Variants in ZRSR2 observed in about 807,000 individuals in gnomAD.
ZRSR2 encodes zinc finger CCCH-type, RNA binding motif and serine/arginine rich 2.
ZRSR2 carries 3 observed loss-of-function variants against 39.4 expected under a neutral mutation model. The observed-to-expected ratio is 0.08, with a 90% CI of 0.03 to 0.20. ZRSR2 has a LOEUF of 0.20. Among genes scored for constraint, ZRSR2 ranks in the 10% least tolerant of loss-of-function variants. The pLI is 1.00. For missense variants in ZRSR2, 256 were observed against 391.5 expected (o/e 0.65, Z 2.92); for synonymous variants, 137 against 136.0 (o/e 1.01, Z -0.05).
intron 5 of ZRSR2, 37 bp from the exon 6 acceptor site, chrX:15,808,196 C>G: frequency 2.5e-6 from 3 of 1,193,940 alleles, no homozygotes; most frequent in Non-Finnish European, 3.4e-6. Context: ...TACCTGACTT[C>G]TGGGTTTTTA....
rs770119952 is a variant in ZRSR2, at chrX:15,823,118, G to A, written c.1325G>A (p.Arg442Gln). 5 of 1,203,722 alleles carry A rather than the reference G, an allele frequency of 4.2e-6. No homozygotes were observed. The highest frequency in any genetic ancestry group is 5.6e-6 in the Non-Finnish European group (5 of 891,770). ...DRSRGRGSRS[R>Q]SRSRSRRSRR... The stretch of plus-strand genomic sequence containing the variant: ...AGCCGGGGCCGGGGCAGCCGGAGCC[G>A]GAGCCGGAGCCGGAGCCGCAGGAGC... Residue 442 changes from arginine (R) to glutamine (Q), a missense_variant, in exon 11 of 11, where the codon CGG becomes CAG. This residue lies in a region of ZRSR2 where 111 missense variants were observed against 116.7 expected (regional missense o/e 0.95). Transcript: ENST00000307771.
At chrX:15,813,999 A>G (rs1932922661) in intron 7 of ZRSR2, among the ~76,000 whole-genome samples, 1 of 105,697 alleles carries the variant, frequency 9.5e-6, no homozygotes, top group Admixed American at 1.1e-4. Context: ...TAGTCATTTC[A>G]GGGCCATTGT....
intron 5 of ZRSR2, among the ~76,000 whole-genome samples, chrX:15,804,512 T>G (rs970708182): frequency 3.6e-5 from 4 of 111,640 alleles, no homozygotes; most frequent in African/African-American, 1.3e-4. Flanking sequence ...AACATCCAAC[T>G]CTGCCAGTGT....
chrX:15,807,772 G>A (rs1245951853), intron 5 of ZRSR2, among the ~76,000 whole-genome samples: 3 of 110,222 alleles, frequency 2.7e-5, no homozygotes. Context: ...GGGCACGGTA[G>A]CTCATGCCTG....
intron 8 of ZRSR2, among the ~76,000 whole-genome samples, chrX:15,817,938 C>T (rs896921529): frequency 1.7e-4 from 19 of 112,188 alleles, no homozygotes; most frequent in Admixed American, 9.4e-5. Context: ...TTAAAACATA[C>T]AAAGCAACAC....
intron 3 of ZRSR2, among the ~76,000 whole-genome samples, chrX:15,800,182 CTTTCTTTTTTTTTTTTTTTT>C (rs1932622103): frequency 1.1e-5 from 1 of 88,777 alleles, no homozygotes; most frequent in African/African-American, 4.1e-5. Context: ...AATTTTTTTT[CTTTCTTTTTTTTTTTTTTTT>C]TTTTAGACGG....
chrX:15,791,274 T>G (rs1213462179), intron 2 of ZRSR2, among the ~76,000 whole-genome samples: 1 of 112,132 alleles, frequency 8.9e-6, no homozygotes, highest in Non-Finnish European at 1.9e-5. Flanking sequence ...AGTTGCAAGC[T>G]TCATGAATTA....
intron 8 of ZRSR2, among the ~76,000 whole-genome samples, chrX:15,817,316 G>T (rs1005305197): frequency 2.1e-4 from 23 of 111,700 alleles, no homozygotes; most frequent in African/African-American, 6.8e-4. Flanking sequence ...TTCCTTCTAA[G>T]GGTGGTGTTA....
At chrX:15,795,073 ACC>A (rs1330135687) in intron 2 of ZRSR2, among the ~76,000 whole-genome samples, 1 of 30,944 alleles carries the variant, frequency 3.2e-5, no homozygotes, top group Non-Finnish European at 5.2e-5. Context: ...CTTCACCCCG[ACC>A]CCCCTGCACT....
At chrX:15,799,753 A>G in intron 2 of ZRSR2, 119 bp from the exon 3 acceptor site, 3 of 453,103 alleles carry the variant, frequency 6.6e-6, no homozygotes, top group Non-Finnish European at 1.1e-5. Context: ...TTTGTTAGAA[A>G]GTTTAAGAAA....
rs969864447 is a variant in ZRSR2, at chrX:15,798,193, G to A, written c.122-1679G>A. On this transcript the variant is annotated intron_variant, in intron 2 of 10. Coordinates refer to ENST00000307771, the MANE Select transcript of ZRSR2 (RefSeq NM_005089.4). ...TCAGTTAGAACTGTACTCAACACAT[G>A]TGACAAACAGACTCTTTTTTCTTTA... is the stretch of plus-strand genomic sequence containing the variant. 2.7e-5 allele frequency among the ~76,000 whole-genome samples: 3 copies of A among 112,342 alleles called. 1 individual carries two copies. The highest frequency in any genetic ancestry group is 3.2e-5 in the African/African-American group (1 of 30,945).
chrX:15,801,682 A>G (rs992573189), intron 3 of ZRSR2: 2 of 113,360 alleles, frequency 1.8e-5, no homozygotes, highest in African/African-American at 6.5e-5. Flanking sequence ...AGGTGCTGTG[A>G]TAGCTCTAGT....
chrX:15,800,301 C>G (rs1362068679), intron 3 of ZRSR2, among the ~76,000 whole-genome samples: 1 of 106,729 alleles, frequency 9.4e-6, no homozygotes, highest in African/African-American at 3.4e-5. Flanking sequence ...ATTCTCCTGC[C>G]TCAGCCTTCC....
At chrX:15,810,853 TAAAA>T (rs753240299) in intron 7 of ZRSR2, among the ~76,000 whole-genome samples, 1 of 92,894 alleles carries the variant, frequency 1.1e-5, no homozygotes, top group South Asian at 4.6e-4. Context: ...CTGGTATCTA[TAAAA>T]AAAAAAAAGT....
rs531242243 is a variant in ZRSR2, at chrX:15,798,789, A to T, written c.122-1083A>T. Among the ~76,000 whole-genome samples, 49 of 112,182 alleles carry T rather than the reference A, an allele frequency of 4.4e-4. 1 individual carries two copies. In the South Asian group the frequency reaches 0.017, roughly 39 times the overall value. On this transcript the variant is annotated intron_variant, in intron 2 of 10. Coordinates refer to ENST00000307771, the MANE Select transcript of ZRSR2 (RefSeq NM_005089.4). ...ACTTCAGGTAACAACACTCTTTAGA[A>T]CAAAGGATTACAGAGCAGATGTTGT...
At chrX:15,805,321 C>T (rs1000726898) in intron 5 of ZRSR2, among the ~76,000 whole-genome samples, 4 of 111,589 alleles carry the variant, frequency 3.6e-5, no homozygotes, top group Non-Finnish European at 7.5e-5. Flanking sequence ...GAATTAATTC[C>T]CATTTTAACA....
In ZRSR2 at chrX:15,804,104, T is replaced by C; in HGVS notation, c.313-7T>C. 8.5e-7 allele frequency: 1 copy of C among 1,180,730 alleles called. No individual in the cohort carries two copies. Among genetic ancestry groups the C allele is most frequent in the South Asian group, 1.9e-5 (1 of 51,892 alleles). Reference sequence around the variant, plus strand: ...GAAACAAAGTTACTTTTTCTTCCCCTTTAAAGAGAAAGTTAAAGGAACAAT... The same window carrying C: ...GAAACAAAGTTACTTTTTCTTCCCCCTTAAAGAGAAAGTTAAAGGAACAAT... On this transcript the variant is annotated splice_polypyrimidine_tract_variant and splice_region_variant and intron_variant, in intron 4 of 10. Transcript: ENST00000307771.
chrX:15,812,197 A>G (rs201911494), intron 7 of ZRSR2, among the ~76,000 whole-genome samples: 37 of 111,942 alleles, frequency 3.3e-4, no homozygotes, highest in Admixed American at 1.1e-3. Context: ...CCAAAGTGCT[A>G]GGATTACAGG....
intron 9 of ZRSR2, among the ~76,000 whole-genome samples, chrX:15,818,931 C>T (rs1933037211): frequency 9.3e-6 from 1 of 107,103 alleles, no homozygotes; most frequent in African/African-American, 3.4e-5. Flanking sequence ...CCACCATGCC[C>T]AGCTAATTTT....
Sources: allele counts gnomAD v4.1 joint callset (sites outside exome capture counted in the v4.1 genomes callset), GRCh38; gene constraint gnomAD v4.1.1; regional missense constraint gnomAD v4.1.1; transcripts MANE v1.5; gene names NCBI Gene and HGNC (gene_info 2026-07-23, HGNC 2026-07-21).